COG5: variants seen among roughly 807,000 people sequenced by gnomAD.
COG5 encodes the protein component of oligomeric golgi complex 5.
COG5 carries 86 observed loss-of-function variants against 110.4 expected under a neutral mutation model. That is an observed-to-expected ratio of 0.78 (90% CI 0.65 to 0.93). The LOEUF is 0.93. Ranked by LOEUF, COG5 falls within the 40% of genes least tolerant of loss-of-function variation. COG5 has a pLI of 0.00. For synonymous variants in COG5, 360 were observed against 334.6 expected (o/e 1.08, Z -0.83); for missense variants, 1,077 against 987.0 (o/e 1.09, Z -1.22).
At chr7:107,345,696 G>T (rs1811542676) in intron 10 of COG5, among the ~76,000 whole-genome samples, 1 of 151,958 alleles carries the variant, frequency 6.6e-6, no homozygotes, top group African/African-American at 2.4e-5. Context: ...TGTACACTTA[G>T]ACTTAAGTTG....
intron 11 of COG5, among the ~76,000 whole-genome samples, chr7:107,311,383 T>C: frequency 1.0e-5 from 1 of 97,818 alleles, no homozygotes; most frequent in East Asian, 2.7e-4. Context: ...TTTTTTTTTT[T>C]TTTTTTTTTT....
intron 7 of COG5, among the ~76,000 whole-genome samples, chr7:107,387,354 C>G (rs1415515248): frequency 6.6e-6 from 1 of 152,148 alleles, no homozygotes; most frequent in Non-Finnish European, 1.5e-5. Flanking sequence ...GTCCACCCAG[C>G]CAGCAGCAGA....
intron 5 of COG5, among the ~76,000 whole-genome samples, chr7:107,541,655 G>A (rs914776353): frequency 2.0e-5 from 3 of 150,260 alleles, no homozygotes; most frequent in Non-Finnish European, 3.0e-5. Context: ...ACTATAGGCC[G>A]GGGATGGTGG....
intron 6 of COG5, among the ~76,000 whole-genome samples, chr7:107,521,492 ACT>A (rs1800316582): frequency 6.6e-6 from 1 of 152,168 alleles, no homozygotes; most frequent in Non-Finnish European, 1.5e-5. Flanking sequence ...TTATGAATAG[ACT>A]CTTCTCAAAA....
chr7:107,291,536 A>C (rs1806174334), intron 12 of COG5, among the ~76,000 whole-genome samples: 2 of 152,186 alleles, frequency 1.3e-5, no homozygotes. Context: ...GATGTTCCTC[A>C]GCTAGACACA....
intron 6 of COG5, among the ~76,000 whole-genome samples, chr7:107,451,258 G>C (rs1241172887): frequency 6.6e-6 from 1 of 152,146 alleles, no homozygotes; most frequent in Non-Finnish European, 1.5e-5. Flanking sequence ...TGAGAAAAAG[G>C]TGGCAGTGGT....
chr7:107,368,795 T>C (rs1184369157), intron 8 of COG5, among the ~76,000 whole-genome samples: 6 of 152,218 alleles, frequency 3.9e-5, no homozygotes, highest in Non-Finnish European at 8.8e-5. Flanking sequence ...TCAACATTTA[T>C]GTTTTATTGT....
At chr7:107,530,620 A>AC (rs1390937358) in intron 5 of COG5, among the ~76,000 whole-genome samples, 1 of 151,468 alleles carries the variant, frequency 6.6e-6, no homozygotes, top group Non-Finnish European at 1.5e-5. Context: ...AAAAAAAAAA[A>AC]AAAAAACACA....
rs1790902000 is a variant in COG5, at chr7:107,395,275, A to T, written c.669+17227T>A. The stretch of plus-strand genomic sequence containing the variant: ...GTGGGGTGGAAAGAAAAGTGGGGAG[A>T]AAGAGAGGGAGAATGAAGATAGGGA... On this transcript the variant is annotated intron_variant, in intron 7 of 21. Coordinates refer to ENST00000297135, the MANE Select transcript of COG5 (RefSeq NM_006348.5). Among the ~76,000 whole-genome samples, 4 of 152,182 alleles carry T rather than the reference A, an allele frequency of 2.6e-5. No individual in the cohort carries two copies. The South Asian group carries it at 8.3e-4, about 32-fold the overall frequency.
At chr7:107,517,917 C>G (rs192668390) in intron 6 of COG5, among the ~76,000 whole-genome samples, 1 of 151,948 alleles carries the variant, frequency 6.6e-6, no homozygotes, top group Admixed American at 6.6e-5. Context: ...AGGCTGGTCT[C>G]GAACTCCTGA....
At chr7:107,412,056 T>G (rs1792341377) in intron 7 of COG5, among the ~76,000 whole-genome samples, 1 of 152,096 alleles carries the variant, frequency 6.6e-6, no homozygotes, top group South Asian at 2.1e-4. Flanking sequence ...GGGACTAGAG[T>G]GATTAAAATT....
chr7:107,259,057 T>C (rs1251481402), intron 14 of COG5, among the ~76,000 whole-genome samples: 1 of 152,054 alleles, frequency 6.6e-6, no homozygotes, highest in Non-Finnish European at 1.5e-5. Flanking sequence ...TGACCTTTAA[T>C]TTACTTCTAA....
chr7:107,318,718 C>T (rs746306083), intron 11 of COG5, among the ~76,000 whole-genome samples: 9 of 152,068 alleles, frequency 5.9e-5, no homozygotes, highest in African/African-American at 1.2e-4. Context: ...AGCTCTCTCG[C>T]GTCACTTCTT....
intron 6 of COG5, among the ~76,000 whole-genome samples, chr7:107,477,028 G>GT (rs1797036483): frequency 6.6e-6 from 1 of 151,492 alleles, no homozygotes; most frequent in South Asian, 2.1e-4. Context: ...ATTTTCTACT[G>GT]TTTTTTGGAA....
At chr7:107,514,993 T>C (rs997290826) in intron 6 of COG5, among the ~76,000 whole-genome samples, 10 of 152,174 alleles carry the variant, frequency 6.6e-5, no homozygotes, top group Non-Finnish European at 8.8e-5. Context: ...GATCTTACAC[T>C]TCTCAAACAC....
At chr7:107,561,737 GAGGCCAAGGCA>G (rs1803789251) in intron 1 of COG5, among the ~76,000 whole-genome samples, 1 of 152,202 alleles carries the variant, frequency 6.6e-6, no homozygotes, top group Admixed American at 6.5e-5. Context: ...AGCACTCTGG[GAGGCCAAGGCA>G]GGCAGATCAC....
At chr7:107,255,557 T>C (rs1195911032) in intron 16 of COG5, among the ~76,000 whole-genome samples, 1 of 152,104 alleles carries the variant, frequency 6.6e-6, no homozygotes, top group African/African-American at 2.4e-5. Flanking sequence ...GATTGTTCTT[T>C]CCTTGTTTGC....
intron 7 of COG5, among the ~76,000 whole-genome samples, chr7:107,387,989 G>C (rs959427653): frequency 2.6e-5 from 4 of 152,140 alleles, no homozygotes; most frequent in Non-Finnish European, 5.9e-5. Context: ...TCTCTGCCTG[G>C]CCCATTGGCT....
intron 8 of COG5, among the ~76,000 whole-genome samples, chr7:107,365,807 G>A (rs1047124689): frequency 1.3e-5 from 2 of 151,950 alleles, no homozygotes; most frequent in African/African-American, 4.8e-5. Flanking sequence ...TCTGAATGAT[G>A]CAAATTTTGA....
Sources: gnomAD v4.1 joint callset for allele counts (sites outside exome capture counted in the v4.1 genomes callset) on GRCh38, gnomAD v4.1.1 for gene constraint, MANE v1.5 for transcripts, NCBI Gene and HGNC (gene_info 2026-07-23, HGNC 2026-07-21) for gene names.